The following PFN1 variants were observed in gnomAD, a reference collection of about 807,000 sequenced individuals.
PFN1 encodes profilin-1.
A neutral mutation model predicts 11.7 loss-of-function variants in PFN1; 2 were observed. The observed-to-expected ratio is 0.17, with a 90% CI of 0.07 to 0.54. PFN1 has a LOEUF of 0.54. PFN1 is among the 20% of genes least tolerant of loss of function. The pLI, the probability that PFN1 is intolerant of heterozygous loss-of-function variation, is 0.94. For missense variants in PFN1, 97 were observed against 188.4 expected (o/e 0.51, Z 2.84); for synonymous variants, 78 against 76.2 (o/e 1.02, Z -0.12).
Position 4,945,809 on chromosome 17 carries a change from A to G in PFN1, c.*91T>C. 1 of 876,540 alleles carries G rather than the reference A, an allele frequency of 1.1e-6. No homozygotes were observed. The highest frequency in any genetic ancestry group is 1.9e-6 in the Non-Finnish European group (1 of 527,768). 54.3% of individuals were successfully genotyped at this position (876,540 alleles called of 1,614,324 possible). The stretch of plus-strand genomic sequence containing the variant: ...TGGCAGCAATAAGGGGTATGGGGTA[A>G]TGGCCCAAAAAATAAAATGGTTTGT... On this transcript the variant is annotated 3_prime_UTR_variant, in exon 3 of 3. Coordinates refer to ENST00000225655, the MANE Select transcript of PFN1 (RefSeq NM_005022.4).
At position 4,946,001 on chromosome 17, in the gene PFN1, G is replaced by A; in HGVS notation, c.326-4C>T. The A allele has an allele frequency of 2.2e-5, 36 of 1,602,684 alleles. No individual in the cohort carries two copies. The highest frequency in any genetic ancestry group is 3.0e-5 in the Non-Finnish European group (35 of 1,169,990). On this transcript the variant is annotated splice_region_variant and splice_polypyrimidine_tract_variant and intron_variant, in intron 2 of 2. Coordinates refer to ENST00000225655, the MANE Select transcript of PFN1 (RefSeq NM_005022.4). ...TTGCCCATCAGCAGGACTAGCGCTG[G>A]AGGAGGAGGAAAGAGAAAGGAGGCT...
At position 4,945,735 on chromosome 17, in the gene PFN1, A is replaced by C. The variant is rs1971370512; in HGVS notation, c.*165T>G. ...AACCACACACGGGAGGGATATGGGT[A>C]GGGGGAGGTGTCTGTCCATCCAGCC... On this transcript the variant is annotated 3_prime_UTR_variant, in exon 3 of 3. Coordinates refer to ENST00000225655, the MANE Select transcript of PFN1 (RefSeq NM_005022.4). 1 of 552,958 alleles carries C rather than the reference A, an allele frequency of 1.8e-6. No individual in the cohort carries two copies. The highest frequency in any genetic ancestry group is 1.9e-5 in the African/African-American group (1 of 52,400). The allele number at this position is 552,958 out of a possible 1,614,324, so 34.3% of individuals were successfully genotyped here. A position where few individuals can be genotyped will look rare whatever the true frequency, so the allele number is the denominator to read the frequency against.
At chr17:4,948,205 T>G in intron 1 of PFN1, 58 bp downstream of exon 1, 2 of 1,507,228 alleles carry the variant, frequency 1.3e-6, no homozygotes, top group African/African-American at 1.4e-5. Flanking sequence ...CCCACCCAAG[T>G]CCCTCCCTCA....
intron 2 of PFN1, 57 bp from the exon 3 acceptor site, chr17:4,946,054 C>G: frequency 7.6e-7 from 1 of 1,310,860 alleles, no homozygotes; most frequent in Non-Finnish European, 1.1e-6. Context: ...ATTCCACCCC[C>G]TGCCAGCTGT....
intron 1 of PFN1, chr17:4,947,038 G>A (rs1290281852): frequency 1.3e-5 from 6 of 458,850 alleles, no homozygotes; most frequent in African/African-American, 1.0e-4. Flanking sequence ...TTAGAATATG[G>A]AACCAGGGAG....
chr17:4,947,177 G>A (rs912203219), intron 1 of PFN1: 6 of 130,542 alleles, frequency 4.6e-5, no homozygotes, highest in African/African-American at 1.7e-4. Flanking sequence ...TTCAGGAAAA[G>A]CAGAAGCGGA....
rs751079083 is a variant in PFN1, at chr17:4,948,521, C to G, written c.-127G>C. On this transcript the variant is annotated 5_prime_UTR_variant, in exon 1 of 3. Coordinates refer to ENST00000225655, the MANE Select transcript of PFN1 (RefSeq NM_005022.4). ...CGCGCTGCCGTCCGGACCGCGGCTCCGCTCGCTGTGCAGCAGCCCTCGCAC... is the reference window on the plus strand; with the variant it reads ...CGCGCTGCCGTCCGGACCGCGGCTCGGCTCGCTGTGCAGCAGCCCTCGCAC... 3.3e-4 allele frequency: 362 copies of G among 1,085,116 alleles called. 1 individual carries two copies. The highest frequency in any genetic ancestry group is 5.8e-4 in the Admixed American group (15 of 25,916). 67.2% of individuals were successfully genotyped at this position (1,085,116 alleles called of 1,614,324 possible).
chr17:4,946,414 G>T (rs1971395578), intron 2 of PFN1, among the ~76,000 whole-genome samples: 1 of 152,168 alleles, frequency 6.6e-6, no homozygotes, highest in African/African-American at 2.4e-5. Context: ...AATTTAAGAG[G>T]TAATGCAGTT....
At chr17:4,947,452 C>T (rs1361311887) in intron 1 of PFN1, 1 of 146,592 alleles carries the variant, frequency 6.8e-6, no homozygotes, top group African/African-American at 2.6e-5. Context: ...CCCCCTCCCC[C>T]TTTCACCCCA....
chr17:4,946,685 T>A lies in PFN1; in HGVS notation c.268A>T (p.Thr90Ser). The A allele has an allele frequency of 1.2e-6, 2 of 1,614,072 alleles. No individual in the cohort carries two copies. The highest frequency in any genetic ancestry group is 1.7e-6 in the Non-Finnish European group (2 of 1,179,966). ...GTGGGGGCCCCACCGGTGCTCTTGG[T>A]ACGAAGATCCATGCTAAATTCCCCA... The part of the protein sequence containing the change: ...QDGEFSMDLR[T>S]KSTGGAPTFN... Residue 90 changes from threonine (T) to serine (S), a missense_variant, in exon 2 of 3, where the codon ACC (threonine) becomes TCC (serine). Transcript: ENST00000225655.
At chr17:4,946,566 T>G (rs2151134580) in intron 2 of PFN1, 62 bp downstream of exon 2, 1 of 1,384,330 alleles carries the variant, frequency 7.2e-7, no homozygotes, top group Non-Finnish European at 9.9e-7. Flanking sequence ...CCCTCAAGAT[T>G]ACCAGAAGGC....
At chr17:4,946,571 G>T (rs1373961856) in intron 2 of PFN1, 57 bp downstream of exon 2, 2 of 1,412,678 alleles carry the variant, frequency 1.4e-6, no homozygotes, top group Non-Finnish European at 1.9e-6. Context: ...AAGATTACCA[G>T]AAGGCGGTAC....
Position 4,948,251 on chromosome 17 carries a change from G to A in PFN1, c.132+12C>T, listed in dbSNP as rs747267179. ...CGGAGCAGTGCCCCGGACCGCGCAGGCCTCGCAGTACCGTGATGTTGACGA... is the reference window on the plus strand; with the variant it reads ...CGGAGCAGTGCCCCGGACCGCGCAGACCTCGCAGTACCGTGATGTTGACGA... On this transcript the variant is annotated intron_variant, in intron 1 of 2. Coordinates refer to ENST00000225655, the MANE Select transcript of PFN1 (RefSeq NM_005022.4). 23 of 1,597,042 alleles carry A rather than the reference G, an allele frequency of 1.4e-5. No homozygotes were observed. Among genetic ancestry groups the A allele is most frequent in the Non-Finnish European group, 1.7e-5 (20 of 1,172,976 alleles).
At position 4,947,079 on chromosome 17, in the gene PFN1, G is replaced by A. The variant is rs961223020; in HGVS notation, c.133-259C>T. 1.2e-5 allele frequency: 4 copies of A among 332,000 alleles called. No individual in the cohort carries two copies. In the South Asian group the frequency reaches 3.3e-4, roughly 28 times the overall value. 20.6% of individuals were successfully genotyped at this position (332,000 alleles called of 1,614,324 possible). ...GATGACATACTCCTCTAGAGATTTA[G>A]ATGTCAGTGTTAATGGGGAAAGTAA... On this transcript the variant is annotated intron_variant, in intron 1 of 2. Coordinates refer to ENST00000225655, the MANE Select transcript of PFN1 (RefSeq NM_005022.4).
At chr17:4,948,017 C>G in intron 1 of PFN1, 1 of 438,500 alleles carries the variant, frequency 2.3e-6, no homozygotes, top group Non-Finnish European at 4.0e-6. Context: ...CGCCCTGTGC[C>G]CCGGATGTAA....
At chr17:4,948,180 T>C (rs965185518) in intron 1 of PFN1, 83 bp downstream of exon 1, 3 of 1,474,416 alleles carry the variant, frequency 2.0e-6, no homozygotes, top group Non-Finnish European at 2.7e-6. Flanking sequence ...CTGCGCGCCC[T>C]AGACCGCGCC....
chr17:4,947,777 A>G (rs238241), intron 1 of PFN1, among the ~76,000 whole-genome samples: 149,322 of 152,212 alleles, frequency 0.98, 73,250 homozygotes, highest in East Asian at 1. Context: ...GAGGGGCCAG[A>G]AGCCCACAGA....
chr17:4,946,604 GAAGGGT>G lies in PFN1; in HGVS notation c.325+18_325+23del. 6.4e-7 allele frequency: 1 copy of G among 1,565,742 alleles called. No individual in the cohort carries two copies. The highest frequency in any genetic ancestry group is 8.7e-7 in the Non-Finnish European group (1 of 1,153,562). On this transcript the variant is annotated intron_variant, in intron 2 of 2. Transcript: ENST00000225655. ...TACATTAGAGATCTTGGAGCTAAAG[GAAGGGT>G]AAGACTCAGGAACTCACTCTTGTCA... is the stretch of plus-strand genomic sequence containing the variant.
rs1971406341 is a variant in PFN1, at chr17:4,946,773, G to A, written c.180C>T (p.Tyr60=). The change falls in exon 2 of 3, where the codon TAC becomes TAT. Residue 60 remains tyrosine (Y), a synonymous_variant. Coordinates refer to ENST00000225655, the MANE Select transcript of PFN1 (RefSeq NM_005022.4). ...VLVGKDRSSF[Y]VNGLTLGGQK... is the part of the protein sequence containing the mutation. ...GGCCCCCAAGTGTCAGCCCATTCAC[G>A]TAAAAACTTGACCGGTCTTTGCCAA... 6.2e-7 allele frequency: 1 copy of A among 1,613,804 alleles called. No homozygotes were observed. Among genetic ancestry groups the A allele is most frequent in the East Asian group, 2.2e-5 (1 of 44,840 alleles).
Sources: allele counts gnomAD v4.1 joint callset (sites outside exome capture counted in the v4.1 genomes callset), GRCh38; gene constraint gnomAD v4.1.1; transcripts MANE v1.5; gene names NCBI Gene and HGNC (gene_info 2026-07-23, HGNC 2026-07-21).